Variants in PIWIL1 observed in about 807,000 individuals in gnomAD.
PIWIL1 encodes piwi-like protein 1.
Under a neutral mutation model 114.4 loss-of-function variants are expected in PIWIL1, and 73 were observed. That is an observed-to-expected ratio of 0.64 (90% confidence interval 0.53 to 0.78). The LOEUF is 0.78. PIWIL1 is among the 30% of genes least tolerant of loss of function. PIWIL1 has a pLI of 0.00. For missense variants in PIWIL1, 723 were observed against 1,063.1 expected (o/e 0.68, Z 4.45); for synonymous variants, 375 against 369.0 (o/e 1.02, Z -0.19).
chr12:130,424,593 G>A, the PIWIL1 span: 1 of 1,231,914 alleles, frequency 8.1e-7, no homozygotes, highest in Non-Finnish European at 1.0e-6. This position sits in a 1 kb window ranked among gnomAD's most constrained non-coding sequence, Gnocchi z 9.8. Context: ...GTGGGGGACG[G>A]CCCCCGAGCC....
At chr12:130,354,709 C>T in intron 10 of PIWIL1, 46 bp downstream of exon 10, 1 of 1,535,604 alleles carries the variant, frequency 6.5e-7, no homozygotes, top group Non-Finnish European at 8.7e-7. Context: ...CTGGATTTAC[C>T]CTTTCTTTCC....
At chr12:130,359,109 G>A (rs899625399) in intron 14 of PIWIL1, among the ~76,000 whole-genome samples, 18 of 152,146 alleles carry the variant, frequency 1.2e-4, no homozygotes, top group Non-Finnish European at 2.2e-4. Context: ...CATTGATATG[G>A]TTGTTTTTGG....
chr12:130,388,415 C>A, the PIWIL1 span, among the ~76,000 whole-genome samples: 6 of 152,228 alleles, frequency 3.9e-5, no homozygotes, highest in Non-Finnish European at 8.8e-5. Flanking sequence ...ACTATACTTA[C>A]CTACATCCTG....
chr12:130,424,790 G>A, the PIWIL1 span: 128 of 1,232,902 alleles, frequency 1.0e-4, no homozygotes, highest in African/African-American at 1.6e-3. The surrounding 1 kb of genome is among the most constrained non-coding windows in gnomAD (Gnocchi z 9.8). Context: ...GTCTCTTCCT[G>A]TGGGGCTGGT....
Position 130,357,510 on chromosome 12 carries a change from A to G in PIWIL1, c.1622A>G (p.Tyr541Cys). The change falls in exon 14 of 21, where the codon TAC (tyrosine) becomes TGC (cysteine). Residue 541 changes from tyrosine (Y) to cysteine (C), a missense_variant. Physicochemically the swap from Tyr to Cys is radical, Grantham distance 194. Transcript: ENST00000245255. ...MIEVDDRTEA[Y>C]LRVLQQKVTA... ...GAAGTGGATGACAGAACTGAAGCCT[A>G]CTTAAGAGTCTTACAGCAAAAGGTC... 1 of 1,613,512 alleles carries G rather than the reference A, an allele frequency of 6.2e-7. No homozygotes were observed.
intron 1 of PIWIL1, among the ~76,000 whole-genome samples, chr12:130,338,799 G>T (rs1425987106): frequency 7.6e-6 from 1 of 130,752 alleles, no homozygotes. Context: ...GGTGTGGGGG[G>T]TGCGGGGCCG....
chr12:130,424,410 G>C, the PIWIL1 span: 17 of 1,232,574 alleles, frequency 1.4e-5, no homozygotes, highest in Non-Finnish European at 1.7e-5. This position sits in a 1 kb window ranked among gnomAD's most constrained non-coding sequence, Gnocchi z 9.8. Context: ...CAGCGGCCTC[G>C]GGCCCCTCCT....
At chr12:130,413,622 G>A in the PIWIL1 span, among the ~76,000 whole-genome samples, 1 of 102,242 alleles carries the variant, frequency 9.8e-6, no homozygotes, top group Admixed American at 1.4e-4. Context: ...GACAGAGCAA[G>A]ACTCTGTCTC....
At chr12:130,393,582 G>A in the PIWIL1 span, among the ~76,000 whole-genome samples, 138 of 151,960 alleles carry the variant, frequency 9.1e-4, no homozygotes, top group Non-Finnish European at 1.5e-3. Context: ...CCATCCTCAC[G>A]TGTGTGTGTC....
the PIWIL1 span, among the ~76,000 whole-genome samples, chr12:130,377,645 G>C: frequency 6.6e-6 from 1 of 152,236 alleles, no homozygotes; most frequent in Non-Finnish European, 1.5e-5. Context: ...TGGAGGAGTA[G>C]GTCCAGTCCA....
chr12:130,354,823 A>G, intron 10 of PIWIL1, 65 bp from the exon 11 acceptor site: 1 of 1,406,184 alleles, frequency 7.1e-7, no homozygotes, highest in Non-Finnish European at 9.9e-7. Context: ...ATCACCCTAT[A>G]CTCCAGTTAT....
chr12:130,345,714 C>A, intron 3 of PIWIL1, 39 bp from the exon 4 acceptor site: 1 of 1,609,362 alleles, frequency 6.2e-7, no homozygotes, highest in South Asian at 1.1e-5. Flanking sequence ...TCCTTTATTT[C>A]GTGCTTTATG....
the PIWIL1 span, among the ~76,000 whole-genome samples, chr12:130,393,081 CCAG>C: frequency 6.8e-6 from 1 of 146,858 alleles, no homozygotes; most frequent in Non-Finnish European, 1.5e-5. Flanking sequence ...TTGTGATGAC[CCAG>C]TCACCGTCAT....
chr12:130,368,820 A>G (rs2073740391), intron 19 of PIWIL1, among the ~76,000 whole-genome samples: 1 of 152,152 alleles, frequency 6.6e-6, no homozygotes, highest in African/African-American at 2.4e-5. Context: ...ATGAGTTTTC[A>G]CTAGATATTA....
intron 17 of PIWIL1, 28 bp from the exon 18 acceptor site, chr12:130,362,963 G>A (rs973154463): frequency 5.0e-6 from 8 of 1,612,588 alleles, no homozygotes; most frequent in Non-Finnish European, 6.8e-6. Flanking sequence ...GGCATGAATT[G>A]ACATAAAACT....
the PIWIL1 span, among the ~76,000 whole-genome samples, chr12:130,421,725 T>TGTGTGTGTGTG: frequency 3.5e-4 from 31 of 88,084 alleles, no homozygotes; most frequent in East Asian, 8.3e-3. Flanking sequence ...GTGTGTGTGT[T>TGTGTGTGTGTG]TTCATAGAAG....
chr12:130,361,447 A>G, intron 15 of PIWIL1, 51 bp from the exon 16 acceptor site: 1 of 1,610,078 alleles, frequency 6.2e-7, no homozygotes, highest in Non-Finnish European at 8.5e-7. Context: ...TTTACTTTTT[A>G]AATGTTGCTG....
At chr12:130,402,723 C>T in the PIWIL1 span, among the ~76,000 whole-genome samples, 1 of 152,110 alleles carries the variant, frequency 6.6e-6, no homozygotes, top group Non-Finnish European at 1.5e-5. Flanking sequence ...CAGAAAACAC[C>T]AAAATCGATC....
In PIWIL1 at chr12:130,367,166, A is replaced by G. The variant is rs774032871; in HGVS notation, c.2229A>G (p.Arg743=). ...PRLTVIVVKK[R]VNTRFFAQSG... ...TAACGGTAATTGTGGTGAAGAAAAG[A>G]GTGAACACCAGATTTTTTGCTCAGT... Residue 743 remains arginine (R), a synonymous_variant, in exon 19 of 21, where the codon AGA becomes AGG. Transcript: ENST00000245255. 1.9e-6 allele frequency: 3 copies of G among 1,614,002 alleles called. No individual in the cohort carries two copies. The highest frequency in any genetic ancestry group is 1.7e-6 in the Non-Finnish European group (2 of 1,179,978).
Sources: allele counts gnomAD v4.1 joint callset (sites outside exome capture counted in the v4.1 genomes callset), GRCh38; gene constraint gnomAD v4.1.1; non-coding constraint Gnocchi (gnomAD v3.1); transcripts MANE v1.5; gene names NCBI Gene and HGNC (gene_info 2026-07-23, HGNC 2026-07-21).